HMGA1: variants seen among roughly 807,000 people sequenced by gnomAD.
The protein encoded by HMGA1 is high mobility group protein HMG-I/HMG-Y.
A neutral mutation model predicts 15.1 loss-of-function variants in HMGA1; 1 was observed. The observed-to-expected ratio is 0.07, with a 90% CI of 0.02 to 0.31. The LOEUF (loss-of-function observed/expected upper bound fraction) is 0.31, where lower values mean the gene tolerates loss of function less well. Among genes scored for constraint, HMGA1 ranks in the 10% least tolerant of loss-of-function variants. HMGA1 has a pLI of 1.00. For synonymous variants in HMGA1, 56 were observed against 54.8 expected, an observed-to-expected ratio of 1.02 and a Z score of -0.10; for missense variants, 94 against 141.4, an observed-to-expected ratio of 0.66 and a Z score of 1.70.
chr6:34,237,659 C>T (rs1225245738), intron 2 of HMGA1, among the ~76,000 whole-genome samples: 1 of 142,700 alleles, frequency 7.0e-6, no homozygotes, highest in African/African-American at 2.5e-5. Context: ...CCCGGCGCAC[C>T]TCGCGCGGCG....
At chr6:34,240,625 G>A (rs772531813) in intron 2 of HMGA1, 112 bp from the exon 3 acceptor site, 43 of 859,042 alleles carry the variant, frequency 5.0e-5, no homozygotes, top group Non-Finnish European at 7.0e-5. Context: ...AGGAGGCCTG[G>A]GGGCCCATGG....
intron 2 of HMGA1, among the ~76,000 whole-genome samples, chr6:34,237,743 G>A (rs1761917526): frequency 6.6e-6 from 1 of 151,500 alleles, no homozygotes; most frequent in Admixed American, 6.6e-5. Context: ...CACGGGCTGC[G>A]GCGCGGCAGG....
In HMGA1 at chr6:34,242,805, G is replaced by A. The variant is rs1372807387; in HGVS notation, c.219+10G>A. The stretch of plus-strand genomic sequence containing the variant: ...TGCTGCCAAGACCCGGGTGAGACTT[G>A]AGATGGGACTACCCCTGGGTGGATG... On this transcript the variant is annotated intron_variant, in intron 4 of 5. Coordinates refer to ENST00000311487, the MANE Select transcript of HMGA1 (RefSeq NM_145899.3). The A allele has an allele frequency of 1.3e-6, 2 of 1,568,894 alleles. No homozygotes were observed. Among genetic ancestry groups the A allele is most frequent in the South Asian group, 1.2e-5 (1 of 86,334 alleles).
chr6:34,245,466 C>A lies in HMGA1; in HGVS notation c.*582C>A, dbSNP rs1204781257. The A allele has an allele frequency of 3.6e-6, 5 of 1,378,102 alleles. No homozygotes were observed. Among genetic ancestry groups the A allele is most frequent in the Non-Finnish European group, 3.9e-6 (4 of 1,037,770 alleles). The allele number at this position is 1,378,102 out of a possible 1,614,324, so 85.4% of individuals were successfully genotyped here. ...TTGTCACCACGTGGGGCTCACTTTT[C>A]ATCCTTCCCCAACTTCCCTAGTCCC... On this transcript the variant is annotated 3_prime_UTR_variant, in exon 6 of 6. Coordinates refer to ENST00000311487, the MANE Select transcript of HMGA1 (RefSeq NM_145899.3).
chr6:34,241,147 T>C lies in HMGA1; in HGVS notation c.135+232T>C, dbSNP rs146805878. 1.5e-4 allele frequency among the ~76,000 whole-genome samples: 23 copies of C among 152,272 alleles called. No individual in the cohort carries two copies. In the East Asian group the frequency reaches 3.5e-3, roughly 23 times the overall value. On this transcript the variant is annotated intron_variant, in intron 3 of 5. Coordinates refer to ENST00000311487, the MANE Select transcript of HMGA1 (RefSeq NM_145899.3). ...GGGCCGAGGAATTCAAGATAAATTC[T>C]GAAGCCAATGGCAAACAGTCCAAAC...
chr6:34,240,969 G>A lies in HMGA1; in HGVS notation c.135+54G>A, dbSNP rs1194590825. 1.3e-5 allele frequency: 21 copies of A among 1,604,950 alleles called. No homozygotes were observed. In the East Asian group the frequency reaches 2.5e-4, roughly 19 times the overall value. Reference sequence around the variant, plus strand: ...GTTTACCCTTTGGGGCTAGGGAGGTGCCTGGAGTTTCATTCAGCAGGCGAG... The same window carrying A: ...GTTTACCCTTTGGGGCTAGGGAGGTACCTGGAGTTTCATTCAGCAGGCGAG... On this transcript the variant is annotated intron_variant, in intron 3 of 5. Transcript: ENST00000311487.
At position 34,245,405 on chromosome 6, in the gene HMGA1, G is replaced by A. The variant is rs1289356876; in HGVS notation, c.*521G>A. The A allele has an allele frequency of 7.4e-7, 1 of 1,358,496 alleles. No homozygotes were observed. The highest frequency in any genetic ancestry group is 1.4e-5 in the African/African-American group (1 of 69,672). The allele number at this position is 1,358,496 out of a possible 1,614,324, so 84.2% of individuals were successfully genotyped here. A position where few individuals can be genotyped will look rare whatever the true frequency, so the allele number is the denominator to read the frequency against. Reference sequence around the variant, plus strand: ...CAGCAGGTGTGGCCAATGGAGGGGGGTGCTGGCCCCCAGGATTCCCCCAGC... The same window carrying A: ...CAGCAGGTGTGGCCAATGGAGGGGGATGCTGGCCCCCAGGATTCCCCCAGC... On this transcript the variant is annotated 3_prime_UTR_variant, in exon 6 of 6. Coordinates refer to ENST00000311487, the MANE Select transcript of HMGA1 (RefSeq NM_145899.3).
At chr6:34,239,464 T>C (rs947612866) in intron 2 of HMGA1, among the ~76,000 whole-genome samples, 1 of 152,128 alleles carries the variant, frequency 6.6e-6, no homozygotes, top group Non-Finnish European at 1.5e-5. Context: ...AAGATTTCTT[T>C]CTATTATTTT....
At chr6:34,242,946 T>G in intron 4 of HMGA1, 151 bp downstream of exon 4, 1 of 698,346 alleles carries the variant, frequency 1.4e-6, no homozygotes, top group Non-Finnish European at 2.6e-6. Flanking sequence ...GCAGTGAGTC[T>G]TTGCTAACTG....
chr6:34,242,607 T>C, intron 3 of HMGA1, 105 bp from the exon 4 acceptor site: 1 of 797,612 alleles, frequency 1.3e-6, no homozygotes, highest in Non-Finnish European at 2.1e-6. Flanking sequence ...TTTGTGGTTC[T>C]TGGTTCTTGC....
At chr6:34,238,324 T>G (rs1369851456) in intron 2 of HMGA1, among the ~76,000 whole-genome samples, 3 of 151,878 alleles carry the variant, frequency 2.0e-5, no homozygotes, top group African/African-American at 7.3e-5. Context: ...ACTTGCAGAG[T>G]CACCCTCGGG....
chr6:34,242,908 G>A lies in HMGA1; in HGVS notation c.219+113G>A. ...GGGAAGGGGCTCAGTCATCTCAGTT[G>A]TGTACCCCCTTCCCTGGTACAGGGA... On this transcript the variant is annotated intron_variant, in intron 4 of 5. Transcript: ENST00000311487. The A allele has an allele frequency of 3.9e-6, 3 of 771,136 alleles. No homozygotes were observed. The South Asian group carries it at 4.4e-5, about 11-fold the overall frequency. 47.8% of individuals were successfully genotyped at this position (771,136 alleles called of 1,614,324 possible). A position where few individuals can be genotyped will look rare whatever the true frequency, so the allele number is the denominator to read the frequency against.
intron 3 of HMGA1, among the ~76,000 whole-genome samples, chr6:34,242,376 C>T (rs1490274821): frequency 6.6e-6 from 1 of 152,190 alleles, no homozygotes; most frequent in Non-Finnish European, 1.5e-5. Context: ...GAGGCTCCAG[C>T]ATTAAGTGTC....
intron 5 of HMGA1, among the ~76,000 whole-genome samples, chr6:34,244,584 G>A (rs1762569693): frequency 1.3e-5 from 2 of 152,178 alleles, no homozygotes; most frequent in Admixed American, 1.3e-4. Flanking sequence ...CCCTGGGCCT[G>A]GGGGCCAAGG....
In HMGA1 at chr6:34,245,609, G is replaced by A. The variant is rs1762684666; in HGVS notation, c.*725G>A. The A allele has an allele frequency of 3.6e-6, 5 of 1,380,964 alleles. No individual in the cohort carries two copies. In the South Asian group the frequency reaches 4.9e-5, roughly 14 times the overall value. The allele number at this position is 1,380,964 out of a possible 1,614,324, so 85.5% of individuals were successfully genotyped here. ...TCCGCCTGGGATCTGAGTACATATTGTGGTGATGGAGATGCAGTCACTTAT... is the reference window on the plus strand; with the variant it reads ...TCCGCCTGGGATCTGAGTACATATTATGGTGATGGAGATGCAGTCACTTAT... On this transcript the variant is annotated 3_prime_UTR_variant, in exon 6 of 6. Transcript: ENST00000311487.
intron 5 of HMGA1, 81 bp from the exon 6 acceptor site, chr6:34,244,750 A>T: frequency 8.6e-7 from 1 of 1,165,896 alleles, no homozygotes; most frequent in Non-Finnish European, 1.3e-6. Flanking sequence ...CAGGGAGTGC[A>T]GGGAGCGGGT....
intron 4 of HMGA1, 152 bp downstream of exon 4, chr6:34,242,947 T>C (rs1423458745): frequency 7.2e-6 from 5 of 697,250 alleles, no homozygotes; most frequent in Non-Finnish European, 1.3e-5. Flanking sequence ...CAGTGAGTCT[T>C]TGCTAACTGG....
Position 34,245,181 on chromosome 6 carries a change from C to A in HMGA1, c.*297C>A, listed in dbSNP as rs773969172. ...GGACAAGGCTAACATCCCACTTAGC[C>A]GCACCCTGCACCTGCTGCGTCCCCA... On this transcript the variant is annotated 3_prime_UTR_variant, in exon 6 of 6. Coordinates refer to ENST00000311487, the MANE Select transcript of HMGA1 (RefSeq NM_145899.3). 2 of 1,436,920 alleles carry A rather than the reference C, an allele frequency of 1.4e-6. No individual in the cohort carries two copies. Among genetic ancestry groups the A allele is most frequent in the Non-Finnish European group, 1.8e-6 (2 of 1,083,562 alleles). 89.0% of individuals were successfully genotyped at this position (1,436,920 alleles called of 1,614,324 possible).
At chr6:34,238,109 C>T (rs1761965303) in intron 2 of HMGA1, among the ~76,000 whole-genome samples, 1 of 152,184 alleles carries the variant, frequency 6.6e-6, no homozygotes, top group South Asian at 2.1e-4. Flanking sequence ...TTCCTCTCCC[C>T]CGCGCCCGCG....
Sources: allele counts gnomAD v4.1 joint callset (sites outside exome capture counted in the v4.1 genomes callset), GRCh38; gene constraint gnomAD v4.1.1; transcripts MANE v1.5; gene names NCBI Gene and HGNC (gene_info 2026-07-23, HGNC 2026-07-21).